GOLM1: variants seen among roughly 807,000 people sequenced by gnomAD.
GOLM1 encodes golgi membrane protein 1, also known as epididymis luminal protein 46.
In GOLM1, 31 loss-of-function variants were observed where a neutral mutation model predicts 50.5. That is an observed-to-expected ratio of 0.61 (90% CI 0.46 to 0.83). The LOEUF (loss-of-function observed/expected upper bound fraction) is 0.83, where lower values mean the gene tolerates loss of function less well. Among genes scored for constraint, GOLM1 ranks in the 40% least tolerant of loss-of-function variants. The pLI is 0.00. For missense variants in GOLM1, 491 were observed against 501.3 expected (o/e 0.98, Z 0.20); for synonymous variants, 178 against 192.8 (o/e 0.92, Z 0.64).
chr9:86,027,375 G>C lies in GOLM1; in HGVS notation c.*442C>G. 1.0e-6 allele frequency: 1 copy of C among 990,958 alleles called. No homozygotes were observed. The highest frequency in any genetic ancestry group is 1.2e-6 in the Non-Finnish European group (1 of 833,780). The allele number at this position is 990,958 out of a possible 1,614,324, so 61.4% of individuals were successfully genotyped here. ...TAGCCAGACTTTTCAGTGAGAACAG[G>C]TAACAGGCTGGCACCAGCACTTGGT... On this transcript the variant is annotated 3_prime_UTR_variant, in exon 10 of 10. Coordinates refer to ENST00000388712, the MANE Select transcript of GOLM1 (RefSeq NM_016548.4).
rs1832799959 is a variant in GOLM1, at chr9:86,026,817, C to T, written c.*1000G>A. ...AGTTTTGTGAGTCATTTACCACAAG[C>T]TAAATGTGTACACTATGATAAAAAC... is the stretch of plus-strand genomic sequence containing the variant. On this transcript the variant is annotated 3_prime_UTR_variant, in exon 10 of 10. Transcript: ENST00000388712. The T allele has an allele frequency of 2.3e-5, 22 of 972,792 alleles. No homozygotes were observed. The highest frequency in any genetic ancestry group is 2.7e-5 in the Non-Finnish European group (22 of 818,498). The allele number at this position is 972,792 out of a possible 1,614,324, so 60.3% of individuals were successfully genotyped here.
chr9:86,071,596 G>A (rs562319893), intron 3 of GOLM1, among the ~76,000 whole-genome samples: 1 of 151,978 alleles, frequency 6.6e-6, no homozygotes, highest in Non-Finnish European at 1.5e-5. Flanking sequence ...AACGCTGTGA[G>A]GTGGAGGTGG....
intron 8 of GOLM1, chr9:86,034,927 A>G (rs546610834): frequency 3.1e-5 from 25 of 799,976 alleles, no homozygotes; most frequent in Middle Eastern, 6.3e-4. Context: ...TTTTTTCTCA[A>G]TGTTCACATA....
chr9:86,072,746 A>T (rs1274212854), intron 3 of GOLM1, among the ~76,000 whole-genome samples: 5 of 152,156 alleles, frequency 3.3e-5, no homozygotes, highest in African/African-American at 9.7e-5. Flanking sequence ...TCATTATGAG[A>T]TTTTGTCTTT....
At chr9:86,096,510 C>T (rs1006340430) in intron 1 of GOLM1, among the ~76,000 whole-genome samples, 5 of 152,092 alleles carry the variant, frequency 3.3e-5, no homozygotes, top group African/African-American at 1.2e-4. Context: ...ATTTTGTGGC[C>T]GACCCCAGAC....
intron 3 of GOLM1, among the ~76,000 whole-genome samples, chr9:86,072,276 A>G (rs1000059582): frequency 6.6e-6 from 1 of 152,180 alleles, no homozygotes; most frequent in African/African-American, 2.4e-5. Flanking sequence ...GCTTTAAATA[A>G]TATCTGGGTG....
rs576590421 is a variant in GOLM1 at position 86,035,133 on chromosome 9, C to A, written c.1015+235G>T. On this transcript the variant is annotated intron_variant, in intron 8 of 9. Transcript: ENST00000388712. ...AGGCCATCCACTTGCAAGGTCCCCTCGACTCCCTGCCAATATTGCATCTAA... is the reference window on the plus strand; with the variant it reads ...AGGCCATCCACTTGCAAGGTCCCCTAGACTCCCTGCCAATATTGCATCTAA... The A allele has an allele frequency of 2.8e-4, 275 of 985,386 alleles. 4 individuals carry two copies. In the South Asian group the frequency reaches 0.011, roughly 40 times the overall value. The allele number at this position is 985,386 out of a possible 1,614,324, so 61.0% of individuals were successfully genotyped here. A position where few individuals can be genotyped will look rare whatever the true frequency, so the allele number is the denominator to read the frequency against.
chr9:86,064,523 C>T (rs75357995), intron 3 of GOLM1, among the ~76,000 whole-genome samples: 4 of 152,352 alleles, frequency 2.6e-5, no homozygotes, highest in Middle Eastern at 6.8e-3. Context: ...AGCTGCCTCA[C>T]TGTGCTGCCT....
chr9:86,049,691 G>A (rs1833674140), intron 4 of GOLM1, among the ~76,000 whole-genome samples: 2 of 152,184 alleles, frequency 1.3e-5, no homozygotes, highest in Admixed American at 6.5e-5. Context: ...GTATAGGAAT[G>A]CTTGTGATTT....
intron 1 of GOLM1, among the ~76,000 whole-genome samples, chr9:86,093,292 G>A (rs940612012): frequency 2.0e-5 from 3 of 150,346 alleles, no homozygotes; most frequent in Non-Finnish European, 4.4e-5. Flanking sequence ...CAGGAGAATC[G>A]CTTGAACTTG....
chr9:86,055,117 G>A (rs1251797279), intron 3 of GOLM1, among the ~76,000 whole-genome samples: 3 of 152,184 alleles, frequency 2.0e-5, no homozygotes, highest in Admixed American at 2.0e-4. Flanking sequence ...ATGAACACAG[G>A]GATGCATGCC....
At position 86,033,320 on chromosome 9, in the gene GOLM1, T is replaced by C. The variant is rs779436876; in HGVS notation, c.1091A>G (p.Lys364Arg). 6 of 1,612,842 alleles carry C rather than the reference T, an allele frequency of 3.7e-6. No homozygotes were observed. The highest frequency in any genetic ancestry group is 3.3e-4 in the Middle Eastern group (2 of 6,084). The change falls in exon 9 of 10, where the codon AAG (lysine) becomes AGG (arginine). Residue 364 changes from lysine (K) to arginine (R), a missense_variant. By Grantham distance (26) the Lys-to-Arg change is conservative. Transcript: ENST00000388712. ...GTCATTCCCTGCCAGGGCTGCTTGCTTGTCTGTCTCAGATTCTGCTTCATT... is the reference window on the plus strand; with the variant it reads ...GTCATTCCCTGCCAGGGCTGCTTGCCTGTCTGTCTCAGATTCTGCTTCATT... The part of the protein sequence containing the change: ...DENEAESETD[K>R]QAALAGNDRN...
chr9:86,035,648 T>A, intron 7 of GOLM1, 23 bp from the exon 8 acceptor site: 1 of 1,460,648 alleles, frequency 6.8e-7, no homozygotes, highest in Non-Finnish European at 9.2e-7. Flanking sequence ...CACAGTTAGC[T>A]GTGACCTTGC....
chr9:86,085,394 AT>A (rs934516123), intron 1 of GOLM1, among the ~76,000 whole-genome samples: 9 of 134,224 alleles, frequency 6.7e-5, no homozygotes, highest in African/African-American at 2.2e-4. Context: ...CATTTGAATA[AT>A]TTTTTTTCAA....
rs1432031939 is a variant in GOLM1 at position 86,040,588 on chromosome 9, C to G, written c.597+151G>C. Reference sequence around the variant, plus strand: ...AACCCTTGGTTAGGGTCCAGTCATCCCAGTACCAGGTTCTGCTCTGTTATA... The same window carrying G: ...AACCCTTGGTTAGGGTCCAGTCATCGCAGTACCAGGTTCTGCTCTGTTATA... On this transcript the variant is annotated intron_variant, in intron 6 of 9. Transcript: ENST00000388712. 5.9e-6 allele frequency: 4 copies of G among 675,148 alleles called. No individual in the cohort carries two copies. The East Asian group carries it at 1.1e-4, about 19-fold the overall frequency. 41.8% of individuals were successfully genotyped at this position (675,148 alleles called of 1,614,324 possible).
intron 1 of GOLM1, among the ~76,000 whole-genome samples, chr9:86,082,707 T>C (rs1363187964): frequency 1.3e-5 from 2 of 152,234 alleles, no homozygotes; most frequent in African/African-American, 2.4e-5. Context: ...CCTAAAGTGC[T>C]GGGAGTACAG....
rs1009728100 is a variant in GOLM1 at position 86,026,500 on chromosome 9, G to A, written c.*1317C>T. 50 of 897,598 alleles carry A rather than the reference G, an allele frequency of 5.6e-5. No homozygotes were observed. Among genetic ancestry groups the A allele is most frequent in the Admixed American group, 1.2e-4 (2 of 16,168 alleles). 55.6% of individuals were successfully genotyped at this position (897,598 alleles called of 1,614,324 possible). A position where few individuals can be genotyped will look rare whatever the true frequency, so the allele number is the denominator to read the frequency against. On this transcript the variant is annotated 3_prime_UTR_variant, in exon 10 of 10. Transcript: ENST00000388712. ...GCCAGGGGTGCCAGCGCACCAGCTAGATGCTCTGTAACTTCTAGGCCCCAT... is the reference window on the plus strand; with the variant it reads ...GCCAGGGGTGCCAGCGCACCAGCTAAATGCTCTGTAACTTCTAGGCCCCAT...
At chr9:86,056,462 C>G (rs866290291) in intron 3 of GOLM1, among the ~76,000 whole-genome samples, 1 of 151,000 alleles carries the variant, frequency 6.6e-6, no homozygotes, top group African/African-American at 2.4e-5. Context: ...GAAGAAAAAA[C>G]CCTGAGTTCG....
At chr9:86,051,789 T>G (rs1048147646) in intron 4 of GOLM1, among the ~76,000 whole-genome samples, 1 of 152,126 alleles carries the variant, frequency 6.6e-6, no homozygotes, top group Non-Finnish European at 1.5e-5. Context: ...GTGGGAAACG[T>G]AGGGTTACAC....
Sources: gnomAD v4.1 joint callset for allele counts (sites outside exome capture counted in the v4.1 genomes callset) on GRCh38, gnomAD v4.1.1 for gene constraint, MANE v1.5 for transcripts, NCBI Gene and HGNC (gene_info 2026-07-23, HGNC 2026-07-21) for gene names.